EML6: variants seen among roughly 807,000 people sequenced by gnomAD.
The protein encoded by EML6 is EMAP like 6.
A neutral mutation model predicts 240.1 loss-of-function variants in EML6; 154 were observed. That is an observed-to-expected ratio of 0.64 (90% CI 0.56 to 0.73). The LOEUF (loss-of-function observed/expected upper bound fraction) is 0.73, where lower values mean the gene tolerates loss of function less well. Ranked by LOEUF, EML6 falls within the 30% of genes least tolerant of loss-of-function variation. EML6 has a pLI of 0.00. For missense variants in EML6, 2,964 were observed against 2,474.6 expected (o/e 1.20, Z -4.20); for synonymous variants, 1,148 against 899.0 (o/e 1.28, Z -4.95).
At chr2:54,776,966 C>G (rs1329026807) in intron 2 of EML6, among the ~76,000 whole-genome samples, 1 of 152,088 alleles carries the variant, frequency 6.6e-6, no homozygotes. Context: ...TTAAAAAAAA[C>G]ACCTTTGATT....
intron 2 of EML6, among the ~76,000 whole-genome samples, chr2:54,800,047 C>G (rs1019907474): frequency 1.3e-5 from 2 of 151,920 alleles, no homozygotes; most frequent in African/African-American, 2.4e-5. Context: ...GAGATTGAGA[C>G]CATCCTGGCC....
intron 11 of EML6, among the ~76,000 whole-genome samples, chr2:54,855,461 C>T (rs938315908): frequency 1.5e-5 from 2 of 132,030 alleles, no homozygotes; most frequent in Non-Finnish European, 3.2e-5. Flanking sequence ...CTACCATGCC[C>T]CCCCCCCGCC....
intron 4 of EML6, among the ~76,000 whole-genome samples, chr2:54,819,999 A>C (rs1259841611): frequency 2.0e-5 from 3 of 152,140 alleles, no homozygotes; most frequent in African/African-American, 7.2e-5. Context: ...ATGTTTTCCT[A>C]GCTAAGAAGC....
chr2:54,808,361 C>A (rs757070059), intron 2 of EML6, among the ~76,000 whole-genome samples: 8 of 152,166 alleles, frequency 5.3e-5, no homozygotes, highest in Admixed American at 5.2e-4. Context: ...GGTCACTCCC[C>A]CTTCAATCCC....
In EML6 at chr2:54,853,711, G is replaced by A. The variant is rs200624325; in HGVS notation, c.1513G>A (p.Gly505Ser). Reference sequence around the variant, plus strand: ...TTGGGCCTCCTGGACATGCGTGAAAGGCCCTGAAGTGAGTGGAATTTGGCC... The same window carrying A: ...TTGGGCCTCCTGGACATGCGTGAAAAGCCCTGAAGTGAGTGGAATTTGGCC... Reference protein sequence around the residue: ...IPWASWTCVKGPEVSGIWPKY... With the variant: ...IPWASWTCVKSPEVSGIWPKY... Residue 505 changes from glycine to serine, a missense_variant, in exon 11 of 42, where the codon GGC becomes AGC. Transcript: ENST00000356458. 5 of 1,551,108 alleles carry A rather than the reference G, an allele frequency of 3.2e-6. No individual in the cohort carries two copies. In the African/African-American group the frequency reaches 4.1e-5, roughly 13 times the overall value.
At chr2:54,768,095 A>T (rs1033189074) in intron 2 of EML6, among the ~76,000 whole-genome samples, 3 of 152,168 alleles carry the variant, frequency 2.0e-5, no homozygotes, top group African/African-American at 7.2e-5. Flanking sequence ...ATGAGATCAT[A>T]TGCCAAGGCT....
At chr2:54,917,467 C>G (rs1260670802) in intron 26 of EML6, among the ~76,000 whole-genome samples, 2 of 150,562 alleles carry the variant, frequency 1.3e-5, no homozygotes, top group African/African-American at 2.4e-5. Context: ...CAGGTTCAGG[C>G]AATTCCCTGC....
intron 7 of EML6, among the ~76,000 whole-genome samples, chr2:54,839,145 C>T (rs1669310796): frequency 6.6e-6 from 1 of 152,154 alleles, no homozygotes; most frequent in Non-Finnish European, 1.5e-5. Flanking sequence ...CCTGGATAGA[C>T]AGGAGAAGGG....
intron 2 of EML6, among the ~76,000 whole-genome samples, chr2:54,782,474 C>A (rs1198349216): frequency 6.6e-6 from 1 of 152,114 alleles, no homozygotes; most frequent in Non-Finnish European, 1.5e-5. Context: ...TTTCCTGAAT[C>A]AAATTCAGGC....
At chr2:54,968,830 C>G (rs1676866020) in intron 41 of EML6, 62 bp downstream of exon 41, 1 of 905,328 alleles carries the variant, frequency 1.1e-6, no homozygotes. Flanking sequence ...CTCCCCATCT[C>G]AGGCATCCCG....
At position 54,903,352 on chromosome 2, in the gene EML6, C is replaced by G. The variant is rs1673159893; in HGVS notation, c.3278-19C>G. The G allele has an allele frequency of 1.3e-6, 2 of 1,549,268 alleles. No individual in the cohort carries two copies. The highest frequency in any genetic ancestry group is 8.7e-7 in the Non-Finnish European group (1 of 1,145,986). ...CTATATAAAATGCTTCGATGTTAAC[C>G]CCACATTTTTCTTAACAGATACGGG... On this transcript the variant is annotated intron_variant, in intron 23 of 41. Transcript: ENST00000356458.
chr2:54,832,073 A>AC (rs1668898364), intron 7 of EML6, among the ~76,000 whole-genome samples: 1 of 152,186 alleles, frequency 6.6e-6, no homozygotes, highest in South Asian at 2.1e-4. Flanking sequence ...CAACATTGTC[A>AC]CAAAAGGCCA....
intron 26 of EML6, among the ~76,000 whole-genome samples, chr2:54,919,181 A>T (rs1197087835): frequency 6.6e-6 from 1 of 151,376 alleles, no homozygotes; most frequent in Non-Finnish European, 1.5e-5. Flanking sequence ...TGAGAAATTG[A>T]CTTTCAGTTC....
Position 54,829,332 on chromosome 2 carries a change from T to G in EML6, c.712-10T>G, listed in dbSNP as rs997707389. 1.9e-6 allele frequency: 3 copies of G among 1,551,090 alleles called. No individual in the cohort carries two copies. The African/African-American group carries it at 4.1e-5, about 21-fold the overall frequency. ...TTGCACCATTGAGTATTACCTGTTT[T>G]AATCAACAGGCTGGAATCTTTAGCA... On this transcript the variant is annotated splice_polypyrimidine_tract_variant and intron_variant, in intron 6 of 41. Transcript: ENST00000356458.
intron 2 of EML6, 28 bp from the exon 3 acceptor site, chr2:54,813,204 A>C (rs764262526): frequency 6.6e-7 from 1 of 1,506,676 alleles, no homozygotes; most frequent in Non-Finnish European, 8.9e-7. Flanking sequence ...CAGTTGGAAG[A>C]TGTGAAAAGA....
At chr2:54,928,172 ATGGAGCTTACATTCTAGTTGAAATG>A (rs1319545810) in intron 26 of EML6, 116 bp from the exon 27 acceptor site, 5 of 710,376 alleles carry the variant, frequency 7.0e-6, no homozygotes, top group Non-Finnish European at 1.3e-5. Flanking sequence ...GCCTGCCCAC[ATGGAGCTTACATTCTAGTTGAAATG>A]TAGGAAATTG....
chr2:54,779,833 G>T (rs977549952), intron 2 of EML6, among the ~76,000 whole-genome samples: 5 of 142,446 alleles, frequency 3.5e-5, no homozygotes, highest in Non-Finnish European at 7.5e-5. Context: ...GTGCACTGCA[G>T]CCTGGGTGAC....
chr2:54,736,743 C>G (rs932045884), intron 2 of EML6, among the ~76,000 whole-genome samples: 1 of 152,084 alleles, frequency 6.6e-6, no homozygotes, highest in Non-Finnish European at 1.5e-5. Flanking sequence ...CATTGTGGTC[C>G]CCTGGTTTTC....
At chr2:54,795,563 A>T (rs1381395692) in intron 2 of EML6, among the ~76,000 whole-genome samples, 1 of 152,192 alleles carries the variant, frequency 6.6e-6, no homozygotes, top group Non-Finnish European at 1.5e-5. Context: ...TTTAAAAAGC[A>T]TGGTGTAGCA....
Sources: gnomAD v4.1 joint callset for allele counts (sites outside exome capture counted in the v4.1 genomes callset) on GRCh38, gnomAD v4.1.1 for gene constraint, MANE v1.5 for transcripts, NCBI Gene and HGNC (gene_info 2026-07-23, HGNC 2026-07-21) for gene names.